Variants in SORCS2 observed in about 807,000 individuals in gnomAD.
The protein encoded by SORCS2 is sortilin related VPS10 domain containing receptor 2.
A neutral mutation model predicts 141.6 loss-of-function variants in SORCS2; 100 were observed. That is an observed-to-expected ratio of 0.71 (90% confidence interval 0.60 to 0.83). The LOEUF is 0.83. Ranked by LOEUF, SORCS2 falls within the 40% of genes least tolerant of loss-of-function variation. The pLI, the probability that SORCS2 is intolerant of heterozygous loss-of-function variation, is 0.00. For missense variants in SORCS2, 1,646 were observed against 1,560.2 expected (o/e 1.05, Z -0.93); for synonymous variants, 789 against 676.9 (o/e 1.17, Z -2.57).
chr4:7,215,776 A>G (rs2108752147), intron 1 of SORCS2, among the ~76,000 whole-genome samples: 1 of 151,966 alleles, frequency 6.6e-6, no homozygotes, highest in East Asian at 1.9e-4. Flanking sequence ...GTCTTGGAGA[A>G]CCTGTGTGTC....
At chr4:7,568,928 A>G (rs1715199284) in intron 3 of SORCS2, among the ~76,000 whole-genome samples, 1 of 152,172 alleles carries the variant, frequency 6.6e-6, no homozygotes, top group African/African-American at 2.4e-5. Flanking sequence ...CAAAGGTGGT[A>G]TGGGAACAGC....
intron 16 of SORCS2, among the ~76,000 whole-genome samples, 197 bp from the exon 17 acceptor site, chr4:7,714,986 C>T (rs543077441): frequency 1.3e-5 from 2 of 152,316 alleles, no homozygotes; most frequent in South Asian, 2.1e-4. Flanking sequence ...TTCACAGCAT[C>T]CCTTTGCCTC....
chr4:7,516,340 C>A (rs191761843), intron 2 of SORCS2, among the ~76,000 whole-genome samples: 5 of 152,312 alleles, frequency 3.3e-5, no homozygotes, highest in Admixed American at 3.3e-4. Context: ...TCCTAAGGCT[C>A]TGCCTCTCCT....
intron 4 of SORCS2, among the ~76,000 whole-genome samples, chr4:7,640,393 TGTGA>T (rs368319932): frequency 0.044 from 6,517 of 149,324 alleles, 490 homozygotes; most frequent in African/African-American, 0.15. Context: ...TGTGTGGGTG[TGTGA>T]GTGTGTGTGG....
chr4:7,568,474 C>G (rs1443814538), intron 3 of SORCS2, among the ~76,000 whole-genome samples: 2 of 152,204 alleles, frequency 1.3e-5, no homozygotes, highest in African/African-American at 4.8e-5. Context: ...GCTACATACT[C>G]TCTCCAGACC....
chr4:7,333,394 G>A (rs1719783775), intron 1 of SORCS2, among the ~76,000 whole-genome samples: 1 of 152,220 alleles, frequency 6.6e-6, no homozygotes, highest in Non-Finnish European at 1.5e-5. Flanking sequence ...CGTGTGTGAT[G>A]TTGGCCGGTG....
rs570226745 is a variant in SORCS2 at position 7,720,726 on chromosome 4, G to GGTA, written c.2424+2544_2424+2546dup. ...TCACCAGGAGAATGGACAAATGACA[G>GGTA]GTAAGCACACGAAAAGATGACAAAC... On this transcript the variant is annotated intron_variant, in intron 18 of 26. Coordinates refer to ENST00000507866, the MANE Select transcript of SORCS2 (RefSeq NM_020777.3). Among the ~76,000 whole-genome samples the GGTA allele has an allele frequency of 1.1e-3, 167 of 152,334 alleles. 1 individual carries two copies. Among genetic ancestry groups the GGTA allele is most frequent in the African/African-American group, 4.0e-3 (165 of 41,584 alleles).
chr4:7,346,518 T>C (rs933275224), intron 1 of SORCS2, among the ~76,000 whole-genome samples: 1 of 152,178 alleles, frequency 6.6e-6, no homozygotes, highest in African/African-American at 2.4e-5. Flanking sequence ...TCAACTGTTA[T>C]TGGGTGGAGT....
At chr4:7,445,564 C>T (rs1560290085) in intron 2 of SORCS2, among the ~76,000 whole-genome samples, 1 of 152,146 alleles carries the variant, frequency 6.6e-6, no homozygotes, top group Non-Finnish European at 1.5e-5. Context: ...GGGCTGGACT[C>T]CTTGGCTTCT....
chr4:7,207,723 C>T (rs1727829787), intron 1 of SORCS2, among the ~76,000 whole-genome samples: 1 of 152,180 alleles, frequency 6.6e-6, no homozygotes, highest in Admixed American at 6.5e-5. Context: ...TTATGTGGTT[C>T]CAATTTCTTC....
At chr4:7,697,780 G>A (rs946886209) in intron 12 of SORCS2, among the ~76,000 whole-genome samples, 1 of 151,902 alleles carries the variant, frequency 6.6e-6, no homozygotes, top group African/African-American at 2.4e-5. Context: ...AGCAGGTTGT[G>A]GGGGTCATTG....
chr4:7,578,700 C>T (rs1715936992), intron 3 of SORCS2, among the ~76,000 whole-genome samples: 1 of 152,216 alleles, frequency 6.6e-6, no homozygotes, highest in Non-Finnish European at 1.5e-5. Flanking sequence ...TCATGACAGG[C>T]TTGTTCCCAC....
At chr4:7,571,309 C>T (rs1715375256) in intron 3 of SORCS2, among the ~76,000 whole-genome samples, 1 of 152,154 alleles carries the variant, frequency 6.6e-6, no homozygotes, top group African/African-American at 2.4e-5. Flanking sequence ...AAGCAGGACC[C>T]CTGTGCCCGG....
At chr4:7,214,030 G>C (rs898222730) in intron 1 of SORCS2, among the ~76,000 whole-genome samples, 10 of 152,214 alleles carry the variant, frequency 6.6e-5, no homozygotes, top group Admixed American at 5.9e-4. Context: ...CCAGCCTCCA[G>C]GTCTGGGGTG....
At chr4:7,615,909 A>G (rs1432156430) in intron 3 of SORCS2, among the ~76,000 whole-genome samples, 2 of 152,374 alleles carry the variant, frequency 1.3e-5, no homozygotes, top group East Asian at 3.9e-4. Flanking sequence ...ATGCACAGTT[A>G]AATTTGAATT....
At chr4:7,418,600 A>G (rs1725842170) in intron 2 of SORCS2, among the ~76,000 whole-genome samples, 1 of 152,158 alleles carries the variant, frequency 6.6e-6, no homozygotes, top group Admixed American at 6.5e-5. Flanking sequence ...CAAAAAGTCT[A>G]GCTCAGAAAT....
intron 2 of SORCS2, among the ~76,000 whole-genome samples, chr4:7,483,388 C>A (rs7669151): frequency 0.97 from 145,829 of 151,054 alleles, 70,561 homozygotes; most frequent in East Asian, 1. Context: ...CAGAGAGTAG[C>A]GTGAGGCAGC....
chr4:7,578,670 C>T (rs896966258), intron 3 of SORCS2, among the ~76,000 whole-genome samples: 3 of 152,182 alleles, frequency 2.0e-5, no homozygotes, highest in African/African-American at 7.2e-5. Flanking sequence ...GGGCAGGCCG[C>T]CTGGGCTGCA....
At chr4:7,618,049 C>G (rs1204329461) in intron 3 of SORCS2, among the ~76,000 whole-genome samples, 1 of 152,030 alleles carries the variant, frequency 6.6e-6, no homozygotes, top group Non-Finnish European at 1.5e-5. Flanking sequence ...ATGCCCCAAT[C>G]AAAGTCCAAA....
Sources: gnomAD v4.1 joint callset for allele counts (sites outside exome capture counted in the v4.1 genomes callset) on GRCh38, gnomAD v4.1.1 for gene constraint, MANE v1.5 for transcripts, NCBI Gene and HGNC (gene_info 2026-07-23, HGNC 2026-07-21) for gene names.